Variants in ZNF385D observed in about 807,000 individuals in gnomAD.
ZNF385D encodes zinc finger protein 385D, also known as zinc finger protein 659.
ZNF385D carries 15 observed loss-of-function variants against 35.8 expected under a neutral mutation model. The observed-to-expected ratio is 0.42, with a 90% confidence interval of 0.28 to 0.64. The LOEUF is 0.64. Ranked by LOEUF, ZNF385D falls within the 30% of genes least tolerant of loss-of-function variation. The pLI is 0.23. For synonymous variants in ZNF385D, 212 were observed against 186.8 expected (o/e 1.13, Z -1.10); for missense variants, 474 against 494.6 (o/e 0.96, Z 0.39).
intron 3 of ZNF385D, among the ~76,000 whole-genome samples, chr3:21,863,663 A>C (rs528092127): frequency 2.6e-5 from 4 of 152,268 alleles, no homozygotes; most frequent in African/African-American, 9.6e-5. Context: ...TAGTGGAAGA[A>C]AGTTATTCTG....
At chr3:21,590,673 T>A (rs2063948204) in intron 2 of ZNF385D, among the ~76,000 whole-genome samples, 1 of 152,148 alleles carries the variant, frequency 6.6e-6, no homozygotes, top group African/African-American at 2.4e-5. Flanking sequence ...TTTCTTTTTT[T>A]CTTCCTTTCA....
At chr3:22,324,724 T>C (rs1694596718) in intron 2 of ZNF385D, among the ~76,000 whole-genome samples, 1 of 152,162 alleles carries the variant, frequency 6.6e-6, no homozygotes, top group African/African-American at 2.4e-5. Context: ...AGATACAGCA[T>C]TTTGAAAAAA....
At chr3:21,587,098 G>C (rs562095591) in intron 2 of ZNF385D, among the ~76,000 whole-genome samples, 5 of 152,168 alleles carry the variant, frequency 3.3e-5, no homozygotes, top group Non-Finnish European at 7.3e-5. Context: ...ATCTGGAAGA[G>C]ATGAAAGTGG....
intron 3 of ZNF385D, among the ~76,000 whole-genome samples, chr3:21,795,076 T>C (rs535258796): frequency 2.6e-5 from 4 of 152,282 alleles, no homozygotes; most frequent in East Asian, 1.9e-4. Flanking sequence ...TTAAATCAAA[T>C]TGAAGAAGTT....
At chr3:22,032,486 C>G (rs1391553152) in intron 3 of ZNF385D, among the ~76,000 whole-genome samples, 1 of 152,146 alleles carries the variant, frequency 6.6e-6, no homozygotes. Context: ...CACCACCCAC[C>G]AGGTTCTTCC....
intron 3 of ZNF385D, among the ~76,000 whole-genome samples, chr3:22,073,750 T>C (rs576768561): frequency 6.6e-6 from 1 of 152,018 alleles, no homozygotes; most frequent in African/African-American, 2.4e-5. Context: ...TTTGCTGAAT[T>C]GAAGAATACA....
At chr3:21,428,952 T>C in intron 5 of ZNF385D, among the ~76,000 whole-genome samples, 1 of 145,924 alleles carries the variant, frequency 6.9e-6, no homozygotes, top group Non-Finnish European at 1.5e-5. Context: ...TTTTGCTTTC[T>C]GCTTAATTGT....
intron 3 of ZNF385D, among the ~76,000 whole-genome samples, chr3:21,872,264 A>T (rs1391162455): frequency 6.6e-6 from 1 of 152,152 alleles, no homozygotes; most frequent in Non-Finnish European, 1.5e-5. Context: ...AGACTTAGTA[A>T]GGTTTGTTTC....
chr3:21,443,707 G>C (rs6797692), intron 4 of ZNF385D, among the ~76,000 whole-genome samples: 50,536 of 152,042 alleles, frequency 0.33, 10,341 homozygotes, highest in African/African-American at 0.57. Flanking sequence ...GTGACAAGTT[G>C]TTCCCCATAG....
chr3:22,340,002 G>C (rs1695351251), intron 2 of ZNF385D, among the ~76,000 whole-genome samples: 1 of 152,058 alleles, frequency 6.6e-6, no homozygotes, highest in Admixed American at 6.6e-5. Context: ...CATCAGTCAT[G>C]TACTCATACT....
At chr3:22,022,154 C>T (rs541856642) in intron 3 of ZNF385D, among the ~76,000 whole-genome samples, 91 of 152,058 alleles carry the variant, frequency 6.0e-4, no homozygotes, top group African/African-American at 2.0e-3. Flanking sequence ...AAATACATCA[C>T]CTAGAATTAT....
chr3:22,001,680 T>C (rs1428044406), intron 3 of ZNF385D, among the ~76,000 whole-genome samples: 1 of 152,032 alleles, frequency 6.6e-6, no homozygotes, highest in Non-Finnish European at 1.5e-5. Flanking sequence ...CACATTCTTC[T>C]CATTAGCATA....
intron 3 of ZNF385D, among the ~76,000 whole-genome samples, chr3:21,975,180 A>T (rs1703518098): frequency 6.6e-6 from 1 of 152,184 alleles, no homozygotes; most frequent in Non-Finnish European, 1.5e-5. Flanking sequence ...CTGTCAACAG[A>T]CAAATTGATA....
At chr3:22,106,599 C>A (rs2125635381) in intron 3 of ZNF385D, among the ~76,000 whole-genome samples, 1 of 152,198 alleles carries the variant, frequency 6.6e-6, no homozygotes, top group East Asian at 1.9e-4. Context: ...CTCACCAGTC[C>A]CTGCCCCCTT....
At chr3:22,105,920 T>C (rs181825659) in intron 3 of ZNF385D, among the ~76,000 whole-genome samples, 2,161 of 148,742 alleles carry the variant, frequency 0.015, 49 homozygotes, top group African/African-American at 0.049. Flanking sequence ...TCTGTGAATT[T>C]ATCTAATTTA....
intron 3 of ZNF385D, among the ~76,000 whole-genome samples, chr3:21,845,613 T>A (rs1695957704): frequency 1.3e-5 from 2 of 152,054 alleles, no homozygotes; most frequent in Admixed American, 6.6e-5. Flanking sequence ...AAGGACTTTC[T>A]TTTTTACAGT....
intron 2 of ZNF385D, among the ~76,000 whole-genome samples, chr3:21,586,172 T>C (rs6550612): frequency 0.22 from 34,119 of 151,888 alleles, 4,280 homozygotes; most frequent in African/African-American, 0.34. Flanking sequence ...TGCCACTGCA[T>C]TCCAGCCTGG....
chr3:21,691,005 C>A (rs1300947995), intron 1 of ZNF385D, among the ~76,000 whole-genome samples: 2 of 152,288 alleles, frequency 1.3e-5, no homozygotes, highest in Middle Eastern at 3.4e-3. Flanking sequence ...TCATTAAAAT[C>A]TGTGGTCCCT....
upstream of ZNF385D, among the ~76,000 whole-genome samples, chr3:21,752,003 A>ACCCCCCCCCCCCCCCCCCC (rs1400472266): frequency 2.2e-5 from 1 of 45,822 alleles, no homozygotes; most frequent in African/African-American, 6.8e-5. Flanking sequence ...ACACACACAC[A>ACCCCCCCCCCCCCCCCCCC]CCCACCCCCC....
Sources: gnomAD v4.1 joint callset for allele counts (sites outside exome capture counted in the v4.1 genomes callset) on GRCh38, gnomAD v4.1.1 for gene constraint, MANE v1.5 for transcripts, NCBI Gene and HGNC (gene_info 2026-07-23, HGNC 2026-07-21) for gene names.